Variants in SPOCK3 observed in about 807,000 individuals in gnomAD.
SPOCK3 encodes SPARC (osteonectin), cwcv and kazal like domains proteoglycan 3.
Under a neutral mutation model 56.6 loss-of-function variants are expected in SPOCK3, and 30 were observed. The ratio of observed to expected loss-of-function variants is 0.53; its 90% CI spans 0.40 to 0.72. The LOEUF (loss-of-function observed/expected upper bound fraction) is 0.72, where lower values mean the gene tolerates loss of function less well. Among genes scored for constraint, SPOCK3 ranks in the 30% least tolerant of loss-of-function variants. The probability of loss-of-function intolerance (pLI) is 0.00; values close to 1 mark genes in which losing one functional copy is unlikely to be tolerated. For missense variants in SPOCK3, 527 were observed against 530.0 expected, an observed-to-expected ratio of 0.99 and a Z score of 0.06; for synonymous variants, 196 against 183.3, an observed-to-expected ratio of 1.07 and a Z score of -0.56.
At chr4:167,068,160 A>C (rs1338547439) in intron 2 of SPOCK3, among the ~76,000 whole-genome samples, 2 of 151,726 alleles carry the variant, frequency 1.3e-5, no homozygotes, top group Admixed American at 6.6e-5. Flanking sequence ...TTAGCTTAAC[A>C]GTTTCAATTA....
At chr4:166,925,788 A>G (rs995781700) in intron 4 of SPOCK3, among the ~76,000 whole-genome samples, 1 of 152,124 alleles carries the variant, frequency 6.6e-6, no homozygotes, top group Admixed American at 6.6e-5. Context: ...TCTCAACAAA[A>G]TATACCTCAG....
chr4:166,770,756 A>G (rs1365911467), intron 7 of SPOCK3, among the ~76,000 whole-genome samples: 1 of 152,162 alleles, frequency 6.6e-6, no homozygotes, highest in Non-Finnish European at 1.5e-5. Flanking sequence ...GTCAAACTCA[A>G]TGCTATGCTG....
At chr4:166,836,137 T>G (rs1402629572) in intron 6 of SPOCK3, among the ~76,000 whole-genome samples, 1 of 152,204 alleles carries the variant, frequency 6.6e-6, no homozygotes. Context: ...ATCCTGGTCT[T>G]TCTGCTCTCA....
chr4:166,899,212 C>A (rs763684036), intron 5 of SPOCK3, among the ~76,000 whole-genome samples: 1 of 151,612 alleles, frequency 6.6e-6, no homozygotes, highest in Non-Finnish European at 1.5e-5. Context: ...TCCATTACCA[C>A]GTGACTCAAT....
intron 4 of SPOCK3, among the ~76,000 whole-genome samples, chr4:166,913,176 T>C (rs2127100979): frequency 6.6e-6 from 1 of 152,262 alleles, no homozygotes; most frequent in South Asian, 2.1e-4. Flanking sequence ...TGGCTTACTT[T>C]TAGAGAAAAC....
At chr4:167,170,474 A>C (rs571349428) in intron 2 of SPOCK3, among the ~76,000 whole-genome samples, 21 of 152,326 alleles carry the variant, frequency 1.4e-4, no homozygotes, top group African/African-American at 4.8e-4. Context: ...ACATTTATTG[A>C]GCAATTTGAA....
At chr4:167,177,002 T>G (rs1192475578) in intron 2 of SPOCK3, among the ~76,000 whole-genome samples, 1 of 152,132 alleles carries the variant, frequency 6.6e-6, no homozygotes. Context: ...ACAGGGCTAT[T>G]TTTTCAAGAT....
chr4:166,879,197 T>C (rs1221591607), intron 6 of SPOCK3, among the ~76,000 whole-genome samples: 4 of 152,110 alleles, frequency 2.6e-5, no homozygotes, highest in Admixed American at 2.0e-4. Context: ...ACTTTGGAAC[T>C]TCAGTTTCCT....
chr4:166,892,412 T>A (rs1184754548), intron 5 of SPOCK3, among the ~76,000 whole-genome samples: 1 of 152,008 alleles, frequency 6.6e-6, no homozygotes, highest in Non-Finnish European at 1.5e-5. Context: ...TGATTTTAGC[T>A]ACTTTTTATC....
intron 2 of SPOCK3, among the ~76,000 whole-genome samples, chr4:167,085,764 G>A (rs1028158372): frequency 2.4e-4 from 37 of 152,022 alleles, no homozygotes; most frequent in South Asian, 6.2e-4. Flanking sequence ...CTGTACAGAT[G>A]GCAACTTATT....
chr4:166,998,498 G>A (rs143342486), intron 4 of SPOCK3, among the ~76,000 whole-genome samples: 1 of 152,138 alleles, frequency 6.6e-6, no homozygotes, highest in East Asian at 1.9e-4. Flanking sequence ...TAGACTCTGG[G>A]GTCGATCAGT....
intron 4 of SPOCK3, among the ~76,000 whole-genome samples, chr4:166,993,497 G>T (rs1561095596): frequency 6.6e-6 from 1 of 152,214 alleles, no homozygotes; most frequent in East Asian, 1.9e-4. Flanking sequence ...CCACCCTCAT[G>T]CTATTTCTCT....
chr4:166,968,154 A>T (rs904254848), intron 4 of SPOCK3, among the ~76,000 whole-genome samples: 1 of 152,218 alleles, frequency 6.6e-6, no homozygotes, highest in Non-Finnish European at 1.5e-5. Context: ...GCTCATTCAC[A>T]TAAACAAAGA....
chr4:167,052,042 T>C (rs962640587), intron 3 of SPOCK3, among the ~76,000 whole-genome samples: 1 of 152,206 alleles, frequency 6.6e-6, no homozygotes, highest in East Asian at 1.9e-4. Flanking sequence ...AAGCATTATA[T>C]AGTAATCTTG....
intron 4 of SPOCK3, among the ~76,000 whole-genome samples, chr4:166,919,349 C>T (rs914519259): frequency 1.3e-5 from 2 of 152,100 alleles, no homozygotes; most frequent in African/African-American, 2.4e-5. Context: ...TTTCTTTGAA[C>T]AGATCCAGTT....
Position 166,884,376 on chromosome 4 carries a change from G to GA in SPOCK3, c.589+4753dup, listed in dbSNP as rs780044061. ...CAACAACAACAACAAAAAAAAAAAT[G>GA]AAAAAAAAAATGACCGATAATAACT... On this transcript the variant is annotated intron_variant, in intron 6 of 10. Transcript: ENST00000357545. Among the ~76,000 whole-genome samples the GA allele has an allele frequency of 1.5e-3, 219 of 145,110 alleles. 1 individual carries two copies. Among genetic ancestry groups the GA allele is most frequent in the African/African-American group, 5.0e-3 (197 of 39,520 alleles).
chr4:167,055,441 A>T (rs1384259527), intron 3 of SPOCK3, among the ~76,000 whole-genome samples: 1 of 152,136 alleles, frequency 6.6e-6, no homozygotes, highest in African/African-American at 2.4e-5. Context: ...GGAGTGCCAG[A>T]CAGTGGGCGC....
intron 2 of SPOCK3, among the ~76,000 whole-genome samples, chr4:167,167,062 GC>G (rs1730030911): frequency 6.6e-6 from 1 of 151,742 alleles, no homozygotes; most frequent in Non-Finnish European, 1.5e-5. Context: ...TTTTATTCTT[GC>G]TGGGGCAAGC....
chr4:166,854,970 C>T (rs1730499949), intron 6 of SPOCK3, among the ~76,000 whole-genome samples: 1 of 152,172 alleles, frequency 6.6e-6, no homozygotes, highest in Non-Finnish European at 1.5e-5. Flanking sequence ...TCCTCAAAGT[C>T]TCTAACTGTA....
Sources: gnomAD v4.1 joint callset for allele counts (sites outside exome capture counted in the v4.1 genomes callset) on GRCh38, gnomAD v4.1.1 for gene constraint, MANE v1.5 for transcripts, NCBI Gene and HGNC (gene_info 2026-07-23, HGNC 2026-07-21) for gene names.